SSR1: variants seen among roughly 807,000 people sequenced by gnomAD.
The protein encoded by SSR1 is signal sequence receptor subunit 1.
In SSR1, 13 loss-of-function variants were observed where a neutral mutation model predicts 36.1. The observed-to-expected ratio is 0.36, with a 90% CI of 0.23 to 0.57. The LOEUF is 0.57. Ranked by LOEUF, SSR1 falls within the 20% of genes least tolerant of loss-of-function variation. The probability of loss-of-function intolerance (pLI) is 0.81; values close to 1 mark genes in which losing one functional copy is unlikely to be tolerated. For synonymous variants in SSR1, 113 were observed against 118.9 expected, an observed-to-expected ratio of 0.95 and a Z score of 0.32; for missense variants, 291 against 338.5, an observed-to-expected ratio of 0.86 and a Z score of 1.10.
At chr6:7,297,898 G>A (rs757718502) in intron 6 of SSR1, 25 bp downstream of exon 6, 3 of 1,591,386 alleles carry the variant, frequency 1.9e-6, no homozygotes, top group East Asian at 2.2e-5. Flanking sequence ...AAACACGGCT[G>A]TAAGAGGTGT....
At position 7,301,020 on chromosome 6, in the gene SSR1, T is replaced by C. The variant is rs151173092; in HGVS notation, c.543+290A>G. Among the ~76,000 whole-genome samples the C allele has an allele frequency of 7.9e-5, 12 of 152,308 alleles. No homozygotes were observed. The East Asian group carries it at 1.9e-3, about 24-fold the overall frequency. ...CCTTTTCCCATTAAGATCCGGCTCA[T>C]AGCTTTACTTACATCTCCATTTTCA... On this transcript the variant is annotated intron_variant, in intron 4 of 7. Coordinates refer to ENST00000244763, the MANE Select transcript of SSR1 (RefSeq NM_003144.5).
In SSR1 at chr6:7,313,133, C is replaced by T. The variant is rs1758248754; in HGVS notation, c.-13G>A. The T allele has an allele frequency of 1.3e-6, 2 of 1,598,444 alleles. No individual in the cohort carries two copies. Among genetic ancestry groups the T allele is most frequent in the Non-Finnish European group, 1.7e-6 (2 of 1,172,194 alleles). On this transcript the variant is annotated 5_prime_UTR_variant, in exon 1 of 8. Transcript: ENST00000244763. ...GGAGGAGTCTCATGGCGCTGCCGGT[C>T]CAGTGTCCAGTTTCCGTCGGCTAAG...
At position 7,313,146 on chromosome 6, in the gene SSR1, TC is replaced by T; in HGVS notation, c.-27del. On this transcript the variant is annotated 5_prime_UTR_variant, in exon 1 of 8. Coordinates refer to ENST00000244763, the MANE Select transcript of SSR1 (RefSeq NM_003144.5). The stretch of plus-strand genomic sequence containing the variant: ...GGCGCTGCCGGTCCAGTGTCCAGTT[TC>T]CGTCGGCTAAGGCTCTCGGCGGCTC... The T allele has an allele frequency of 6.3e-7, 1 of 1,589,378 alleles. No homozygotes were observed. The highest frequency in any genetic ancestry group is 1.7e-5 in the Admixed American group (1 of 57,374).
At chr6:7,310,262 T>C (rs1467712794) in intron 1 of SSR1, among the ~76,000 whole-genome samples, 1 of 150,558 alleles carries the variant, frequency 6.6e-6, no homozygotes, top group Non-Finnish European at 1.5e-5. Context: ...GGTCTTGCTC[T>C]GATGCCTAGG....
chr6:7,306,793 A>G (rs77471315), intron 2 of SSR1, among the ~76,000 whole-genome samples: 2,984 of 151,554 alleles, frequency 0.02, 82 homozygotes, highest in East Asian at 0.13. Flanking sequence ...GCGGGCGCCT[A>G]TAATCCCAGC....
In SSR1 at chr6:7,298,823, C is replaced by T. The variant is rs766857221; in HGVS notation, c.544G>A (p.Gly182Ser). The T allele has an allele frequency of 6.2e-7, 1 of 1,610,762 alleles. No homozygotes were observed. The highest frequency in any genetic ancestry group is 1.1e-5 in the South Asian group (1 of 90,988). ...AAGACTGCATCTTGGAATACATTGC[C>T]CTGTTTAAGAAAATAAAATAATCAG... Reference protein sequence around the residue: ...VINLNYKDLNGNVFQDAVFNQ... With the variant: ...VINLNYKDLNSNVFQDAVFNQ... The change falls in exon 5 of 8, where the codon GGC (glycine) becomes AGC (serine). Residue 182 changes from glycine to serine, a missense_variant and splice_region_variant. Transcript: ENST00000244763.
Position 7,287,035 on chromosome 6 carries a change from GTA to G in SSR1, c.*2827_*2828del. 6.6e-6 allele frequency: 1 copy of G among 151,966 alleles called. No homozygotes were observed. Among genetic ancestry groups the G allele is most frequent in the African/African-American group, 2.4e-5 (1 of 41,364 alleles). 9.4% of individuals were successfully genotyped at this position (151,966 alleles called of 1,614,324 possible). ...CAGGGTCTAGTCTTGGCAAGAGATGGTATGTGTCACTGAGTTTTAAAAAATTA... is the reference window on the plus strand; with the variant it reads ...CAGGGTCTAGTCTTGGCAAGAGATGGTGTGTCACTGAGTTTTAAAAAATTA... On this transcript the variant is annotated 3_prime_UTR_variant, in exon 8 of 8. Transcript: ENST00000244763.
At chr6:7,312,558 G>T (rs1758224806) in intron 1 of SSR1, among the ~76,000 whole-genome samples, 1 of 152,146 alleles carries the variant, frequency 6.6e-6, no homozygotes, top group Admixed American at 6.5e-5. Flanking sequence ...GAAAACAAGG[G>T]TTTTGGCAAA....
At chr6:7,312,838 T>C (rs2113308565) in intron 1 of SSR1, among the ~76,000 whole-genome samples, 1 of 152,268 alleles carries the variant, frequency 6.6e-6, no homozygotes, top group East Asian at 1.9e-4. Flanking sequence ...GCGCTCCGCG[T>C]GCAAGGGGCA....
intron 7 of SSR1, among the ~76,000 whole-genome samples, chr6:7,293,504 T>C (rs1283130480): frequency 4.0e-5 from 6 of 149,920 alleles, no homozygotes; most frequent in African/African-American, 1.5e-4. Flanking sequence ...AGTGGCACCA[T>C]CATGGAGCAA....
rs1205005473 is a variant in SSR1 at position 7,297,940 on chromosome 6, G to T, written c.682C>A (p.Leu228Ile). The change falls in exon 6 of 8, where the codon CTC becomes ATC. Residue 228 changes from leucine to isoleucine, a missense_variant. Leu to Ile is a conservative substitution (Grantham distance 5). Coordinates refer to ENST00000244763, the MANE Select transcript of SSR1 (RefSeq NM_003144.5). ...ATAATTACCTTTCTAGATTCTAGGA[G>T]TTGATGAAGGCCAACAATAACCAGA... Reference protein sequence around the residue: ...GLLVIVGLHQLLESRKRKRPI... With the variant: ...GLLVIVGLHQILESRKRKRPI... 6.8e-6 allele frequency: 11 copies of T among 1,613,210 alleles called. 1 individual carries two copies. In the South Asian group the frequency reaches 1.2e-4, roughly 18 times the overall value.
Position 7,289,861 on chromosome 6 carries a change from CA to C in SSR1, c.*2del, listed in dbSNP as rs1407646036. 6.4e-7 allele frequency: 1 copy of C among 1,568,058 alleles called. No individual in the cohort carries two copies. The highest frequency in any genetic ancestry group is 1.2e-5 in the South Asian group (1 of 81,566). On this transcript the variant is annotated 3_prime_UTR_variant, in exon 8 of 8. Coordinates refer to ENST00000244763, the MANE Select transcript of SSR1 (RefSeq NM_003144.5). ...AAGACCGAATTGTTGCACAAAGGAA[CA>C]TTTACTCATCAGATCCCACTGATCT... is the stretch of plus-strand genomic sequence containing the variant.
Position 7,301,541 on chromosome 6 carries a change from C to T in SSR1, c.312G>A (p.Leu104=), listed in dbSNP as rs1757933024. The part of the protein sequence containing the change: ...DFPANNIVKF[L]VGFTNKGTED... ...CTGTACCCTTGTTGGTAAAGCCTAC[C>T]AGGAACTTCACAATGTTATTTGCTG... is the stretch of plus-strand genomic sequence containing the variant. The change falls in exon 4 of 8, where the codon CTG becomes CTA. Residue 104 remains leucine (L), a synonymous_variant. Coordinates refer to ENST00000244763, the MANE Select transcript of SSR1 (RefSeq NM_003144.5). 6.2e-7 allele frequency: 1 copy of T among 1,612,562 alleles called. No individual in the cohort carries two copies. The highest frequency in any genetic ancestry group is 8.5e-7 in the Non-Finnish European group (1 of 1,179,732).
At chr6:7,306,293 C>A (rs1303333323) in intron 2 of SSR1, among the ~76,000 whole-genome samples, 1 of 152,066 alleles carries the variant, frequency 6.6e-6, no homozygotes, top group Non-Finnish European at 1.5e-5. Context: ...CAGGTGCCCA[C>A]CACCACACCC....
At position 7,281,626 on chromosome 6, in the gene SSR1, A is replaced by C. The variant is rs867648855; in HGVS notation, c.*8238T>G. On this transcript the variant is annotated 3_prime_UTR_variant, in exon 8 of 8. Coordinates refer to ENST00000244763, the MANE Select transcript of SSR1 (RefSeq NM_003144.5). ...TAGATTTCAAAGTGAAGAGAACTGAAATCTCTTTTTATTCATAGCAGAGCC... is the reference window on the plus strand; with the variant it reads ...TAGATTTCAAAGTGAAGAGAACTGACATCTCTTTTTATTCATAGCAGAGCC... The C allele has an allele frequency of 2.6e-5, 4 of 152,236 alleles. No homozygotes were observed. The highest frequency in any genetic ancestry group is 5.9e-5 in the Non-Finnish European group (4 of 68,046). The allele number at this position is 152,236 out of a possible 1,614,324, so 9.4% of individuals were successfully genotyped here.
intron 7 of SSR1, among the ~76,000 whole-genome samples, chr6:7,291,829 T>C (rs1307581334): frequency 6.6e-6 from 1 of 152,146 alleles, no homozygotes; most frequent in East Asian, 1.9e-4. Flanking sequence ...CCCAGCACTT[T>C]GGGCGGCTGA....
chr6:7,294,922 TA>T, intron 7 of SSR1: 1 of 502,098 alleles, frequency 2.0e-6, no homozygotes, highest in East Asian at 3.4e-5. Context: ...AATTGTCGGG[TA>T]ATATTTTAGG....
At position 7,288,645 on chromosome 6, in the gene SSR1, G is replaced by C. The variant is rs1449328048; in HGVS notation, c.*1219C>G. On this transcript the variant is annotated 3_prime_UTR_variant, in exon 8 of 8. Coordinates refer to ENST00000244763, the MANE Select transcript of SSR1 (RefSeq NM_003144.5). The stretch of plus-strand genomic sequence containing the variant: ...AGAATATGGCTTAAAGACAAGAGGG[G>C]GAGAGCCTCTTAATTGTTCATACTA... The C allele has an allele frequency of 6.6e-6, 1 of 152,448 alleles. No homozygotes were observed. Among genetic ancestry groups the C allele is most frequent in the Non-Finnish European group, 1.5e-5 (1 of 67,998 alleles). The allele number at this position is 152,448 out of a possible 1,614,324, so 9.4% of individuals were successfully genotyped here. A position where few individuals can be genotyped will look rare whatever the true frequency, so the allele number is the denominator to read the frequency against.
In SSR1 at chr6:7,313,084, G is replaced by A. The variant is rs370875358; in HGVS notation, c.37C>T (p.Leu13Phe). 33 of 1,608,880 alleles carry A rather than the reference G, an allele frequency of 2.1e-5. No individual in the cohort carries two copies. The highest frequency in any genetic ancestry group is 2.6e-5 in the Non-Finnish European group (31 of 1,177,630). ...LLPRLLLLLL[L>F]VFPATVLFRG... is the part of the protein sequence containing the mutation. Reference sequence around the variant, plus strand: ...AACAAGACAGTGGCAGGGAACACGAGTAAGAGAAGCAGCAGCAAGCGGGGG... The same window carrying A: ...AACAAGACAGTGGCAGGGAACACGAATAAGAGAAGCAGCAGCAAGCGGGGG... Residue 13 changes from leucine (L) to phenylalanine (F), a missense_variant, in exon 1 of 8, where the codon CTC becomes TTC. By Grantham distance (22) the Leu-to-Phe change is conservative. Coordinates refer to ENST00000244763, the MANE Select transcript of SSR1 (RefSeq NM_003144.5).
Sources: gnomAD v4.1 joint callset for allele counts (sites outside exome capture counted in the v4.1 genomes callset) on GRCh38, gnomAD v4.1.1 for gene constraint, MANE v1.5 for transcripts, NCBI Gene and HGNC (gene_info 2026-07-23, HGNC 2026-07-21) for gene names.